PPP1R1C: variants seen among roughly 807,000 people sequenced by gnomAD.
PPP1R1C encodes the protein protein phosphatase 1 regulatory inhibitor subunit 1C.
Under a neutral mutation model 17.4 loss-of-function variants are expected in PPP1R1C, and 15 were observed. The ratio of observed to expected loss-of-function variants is 0.86; its 90% CI spans 0.58 to 1.33. PPP1R1C has a LOEUF of 1.33. Among genes scored for constraint, PPP1R1C ranks in the 40% most tolerant of loss-of-function variants. The probability of loss-of-function intolerance (pLI) is 0.00; values close to 1 mark genes in which losing one functional copy is unlikely to be tolerated. For missense variants in PPP1R1C, 143 were observed against 130.0 expected (o/e 1.10, Z -0.48); for synonymous variants, 35 against 43.1 (o/e 0.81, Z 0.73).
At chr2:182,130,990 G>A (rs144779915), downstream of PPP1R1C, 160 of 152,288 alleles carry the variant, frequency 1.1e-3, 5 homozygotes, top group East Asian at 0.027. Flanking sequence ...ATTGGAACTG[G>A]TTAGTACCTA....
At chr2:182,034,237 C>T (rs947935645) in intron 2 of PPP1R1C, among the ~76,000 whole-genome samples, 1 of 152,010 alleles carries the variant, frequency 6.6e-6, no homozygotes, top group Non-Finnish European at 1.5e-5. Flanking sequence ...TCAATCACTA[C>T]ACAAATGTTT....
At chr2:182,084,075 A>G (rs1010801292) in intron 4 of PPP1R1C, among the ~76,000 whole-genome samples, 4 of 151,868 alleles carry the variant, frequency 2.6e-5, no homozygotes, top group South Asian at 2.1e-4. Flanking sequence ...ATTGAGAGCT[A>G]TCTATTCATG....
rs1280228632 is a variant in PPP1R1C, at chr2:182,076,182, TTTTTTTTTTCTTTTC to T, written c.241+12401_241+12415del. ...TATCTATAAATCAAGGATTTTGAAC[TTTTTTTTTTCTTTTC>T]TTTTTTTTTTTTTTTTTTTTTTTTT... On this transcript the variant is annotated intron_variant, in intron 4 of 4. Transcript: ENST00000682840. Among the ~76,000 whole-genome samples, 6 of 117,242 alleles carry T rather than the reference TTTTTTTTTTCTTTTC, an allele frequency of 5.1e-5. 1 individual carries two copies. Among genetic ancestry groups the T allele is most frequent in the African/African-American group, 2.2e-4 (6 of 26,688 alleles). The allele number at this position is 117,242 out of a possible 152,430, so 76.9% of individuals were successfully genotyped here.
rs1684775046 is a variant in PPP1R1C, at chr2:181,961,180, A to C, written n.111+6546A>C. On this transcript the variant is annotated intron_variant and non_coding_transcript_variant, in intron 1 of 5. Coordinates refer to the PPP1R1C transcript ENST00000464264. This position sits in a 1 kb window ranked among gnomAD's most constrained non-coding sequence, Gnocchi z 5.8. ...ACTTTTTATTGACCTCCTGCTCCCC[A>C]AAGGGTACCCTGCTTCTGCTGGCTT... 2.4e-6 allele frequency: 2 copies of C among 832,126 alleles called. No individual in the cohort carries two copies. The highest frequency in any genetic ancestry group is 4.0e-6 in the Non-Finnish European group (2 of 494,122). 51.5% of individuals were successfully genotyped at this position (832,126 alleles called of 1,614,324 possible). A position where few individuals can be genotyped will look rare whatever the true frequency, so the allele number is the denominator to read the frequency against.
chr2:182,067,850 T>G (rs1387725143), intron 4 of PPP1R1C, among the ~76,000 whole-genome samples: 1 of 151,714 alleles, frequency 6.6e-6, no homozygotes, highest in Admixed American at 6.6e-5. Context: ...GGAAACAGAG[T>G]TTATTAGTTT....
chr2:181,963,269 GTAGCATGAA>G, intron 1 of PPP1R1C, among the ~76,000 whole-genome samples: 1 of 152,312 alleles, frequency 6.6e-6, no homozygotes, highest in African/African-American at 2.4e-5. Context: ...ATGTTTCTGA[GTAGCATGAA>G]TAGAAAAAAC....
chr2:181,971,673 T>G (rs1685010733), intron 1 of PPP1R1C, among the ~76,000 whole-genome samples: 1 of 152,182 alleles, frequency 6.6e-6, no homozygotes, highest in Non-Finnish European at 1.5e-5. Flanking sequence ...ATAGATTGCC[T>G]TTCAGGTTTA....
Position 182,076,195 on chromosome 2 carries a change from TTC to T in PPP1R1C, c.241+12406_241+12407del, listed in dbSNP as rs1194347626. Among the ~76,000 whole-genome samples the T allele has an allele frequency of 6.7e-4, 73 of 108,344 alleles. 2 individuals are homozygous for T. Among genetic ancestry groups the T allele is most frequent in the African/African-American group, 2.9e-3 (67 of 22,948 alleles). 71.1% of individuals were successfully genotyped at this position (108,344 alleles called of 152,430 possible). ...AGGATTTTGAACTTTTTTTTTTCTT[TTC>T]TTTTTTTTTTTTTTTTTTTTTTTTT... On this transcript the variant is annotated intron_variant, in intron 4 of 4. Transcript: ENST00000682840.
At chr2:181,995,992 CTG>C (rs1220188698) in intron 2 of PPP1R1C, among the ~76,000 whole-genome samples, 4 of 152,106 alleles carry the variant, frequency 2.6e-5, no homozygotes, top group Admixed American at 2.6e-4. Context: ...GTGGTGGGGA[CTG>C]TAGTCTACTT....
intron 4 of PPP1R1C, among the ~76,000 whole-genome samples, chr2:182,072,606 G>A (rs1688172720): frequency 6.6e-6 from 1 of 152,032 alleles, no homozygotes; most frequent in Admixed American, 6.5e-5. Context: ...GTCCTATGAA[G>A]TTTTGTTAGA....
chr2:181,990,335 G>A lies in PPP1R1C; in HGVS notation c.142+2436G>A, dbSNP rs376481291. Among the ~76,000 whole-genome samples the A allele has an allele frequency of 5.5e-4, 84 of 151,786 alleles. 1 individual carries two copies. Among genetic ancestry groups the A allele is most frequent in the African/African-American group, 1.9e-3 (80 of 41,390 alleles). The stretch of plus-strand genomic sequence containing the variant: ...TTTGTATTTTTTTTTTAGTAGAGAC[G>A]GGGTTTCACCGTGTTAGCCGGATGG... On this transcript the variant is annotated intron_variant, in intron 2 of 4. Coordinates refer to ENST00000682840, the MANE Select transcript of PPP1R1C (RefSeq NM_001080545.3).
intron 2 of PPP1R1C, among the ~76,000 whole-genome samples, chr2:181,999,847 C>G (rs1246247906): frequency 1.3e-5 from 2 of 151,302 alleles, no homozygotes; most frequent in Non-Finnish European, 1.5e-5. Flanking sequence ...AGAGATGAAC[C>G]CCGTTTTTTA....
chr2:182,010,936 G>C (rs1686072317), intron 2 of PPP1R1C, among the ~76,000 whole-genome samples: 1 of 152,044 alleles, frequency 6.6e-6, no homozygotes, highest in African/African-American at 2.4e-5. Flanking sequence ...TTTGATTTGT[G>C]TATGTTGAAC....
intron 2 of PPP1R1C, among the ~76,000 whole-genome samples, chr2:182,008,325 G>A (rs1283273263): frequency 6.6e-6 from 1 of 151,900 alleles, no homozygotes; most frequent in African/African-American, 2.4e-5. Context: ...TTAAAATAAT[G>A]TTTTTATTAT....
intron 2 of PPP1R1C, among the ~76,000 whole-genome samples, chr2:182,027,677 T>G (rs572625522): frequency 1.3e-5 from 2 of 149,536 alleles, no homozygotes; most frequent in Non-Finnish European, 2.9e-5. Flanking sequence ...ATTCTCTTTT[T>G]TGGTTGTGTC....
chr2:182,055,160 C>A (rs189855806), intron 2 of PPP1R1C, among the ~76,000 whole-genome samples: 42 of 151,942 alleles, frequency 2.8e-4, no homozygotes, highest in African/African-American at 8.9e-4. Context: ...GAGTGTATCT[C>A]TTTGTATGGA....
At chr2:182,073,411 A>T (rs1298520205) in intron 4 of PPP1R1C, among the ~76,000 whole-genome samples, 1 of 152,238 alleles carries the variant, frequency 6.6e-6, no homozygotes, top group African/African-American at 2.4e-5. Flanking sequence ...GCCACATTGA[A>T]CAAAATTATA....
At chr2:182,100,222 CAG>C (rs768964981) in intron 4 of PPP1R1C, among the ~76,000 whole-genome samples, 9 of 151,958 alleles carry the variant, frequency 5.9e-5, no homozygotes, top group Non-Finnish European at 1.3e-4. Context: ...AGATATAAGA[CAG>C]AGAGAGGCTG....
rs1689611284 is a variant in PPP1R1C at position 182,117,218 on chromosome 2, C to T, written c.253C>T (p.Leu85=). 2 of 1,553,480 alleles carry T rather than the reference C, an allele frequency of 1.3e-6. No individual in the cohort carries two copies. Among genetic ancestry groups the T allele is most frequent in the Admixed American group, 3.9e-5 (2 of 51,254 alleles). Reference sequence around the variant, plus strand: ...TTTTATAATTTCAGGGGTTAAGCATCTGAAAGGCCAGAATGAATCAGCATT... The same window carrying T: ...TTTTATAATTTCAGGGGTTAAGCATTTGAAAGGCCAGAATGAATCAGCATT... ...TPPTIKGVKH[L]KGQNESAFPE... Residue 85 remains leucine (L), a synonymous_variant, in exon 5 of 5, where the codon CTG becomes TTG. Transcript: ENST00000682840.
Sources: allele counts gnomAD v4.1 joint callset (sites outside exome capture counted in the v4.1 genomes callset), GRCh38; gene constraint gnomAD v4.1.1; non-coding constraint Gnocchi (gnomAD v3.1); transcripts MANE v1.5; gene names NCBI Gene and HGNC (gene_info 2026-07-23, HGNC 2026-07-21).